EDAR: variants seen among roughly 807,000 people sequenced by gnomAD.
The protein encoded by EDAR is tumor necrosis factor receptor superfamily member EDAR.
Under a neutral mutation model 51.3 loss-of-function variants are expected in EDAR, and 38 were observed. The observed-to-expected ratio is 0.74, with a 90% CI of 0.57 to 0.97. EDAR has a LOEUF of 0.97. Ranked by LOEUF, EDAR falls within the 50% of genes least tolerant of loss-of-function variation. The pLI, the probability that EDAR is intolerant of heterozygous loss-of-function variation, is 0.00. For synonymous variants in EDAR, 227 were observed against 242.1 expected (o/e 0.94, Z 0.58); for missense variants, 528 against 595.0 (o/e 0.89, Z 1.17).
intron 1 of EDAR, among the ~76,000 whole-genome samples, chr2:108,951,198 G>A (rs1185580627): frequency 6.6e-6 from 1 of 152,174 alleles, no homozygotes; most frequent in Non-Finnish European, 1.5e-5. Context: ...GGTTATATGA[G>A]CTCAGTTTCC....
At chr2:108,914,324 G>A (rs1268933310) in intron 5 of EDAR, among the ~76,000 whole-genome samples, 2 of 151,540 alleles carry the variant, frequency 1.3e-5, no homozygotes, top group Non-Finnish European at 3.0e-5. Flanking sequence ...CACAAGAAAG[G>A]AGGAAAAGAA....
intron 11 of EDAR, among the ~76,000 whole-genome samples, chr2:108,899,516 C>T (rs1427623228): frequency 6.6e-6 from 1 of 152,166 alleles, no homozygotes; most frequent in Non-Finnish European, 1.5e-5. Context: ...AATATGGGCA[C>T]ATACAATAGA....
chr2:108,970,354 T>A (rs1243735371), intron 1 of EDAR, among the ~76,000 whole-genome samples: 1 of 152,048 alleles, frequency 6.6e-6, no homozygotes, highest in African/African-American at 2.4e-5. Flanking sequence ...AATCTGCAAA[T>A]GGTGTGTAAA....
At chr2:108,978,971 A>G (rs1382366896) in intron 1 of EDAR, among the ~76,000 whole-genome samples, 1 of 152,260 alleles carries the variant, frequency 6.6e-6, no homozygotes, top group Non-Finnish European at 1.5e-5. Context: ...GAAAGTTCTC[A>G]GCAGGGGCAG....
chr2:108,930,191 C>T lies in EDAR; in HGVS notation c.103G>A (p.Glu35Lys), dbSNP rs777127782. The change falls in exon 3 of 12, where the codon GAG becomes AAG. Residue 35 changes from glutamate to lysine, a missense_variant. Physicochemically the swap from Glu to Lys is moderately conservative, Grantham distance 56. Transcript: ENST00000258443. ...AGCCCCGTAGTCTGGTTGTAGTACT[C>T]GTTCTCACCGCAGTTTGAGTATTCC... ...RAEYSNCGENEYYNQTTGLCQ... is the reference protein window; with the variant it reads ...RAEYSNCGENKYYNQTTGLCQ... 11 of 1,613,992 alleles carry T rather than the reference C, an allele frequency of 6.8e-6. No individual in the cohort carries two copies. The African/African-American group carries it at 8.0e-5, about 12-fold the overall frequency.
At chr2:108,931,064 G>A in intron 1 of EDAR, 32 bp from the exon 2 acceptor site, 1 of 1,592,814 alleles carries the variant, frequency 6.3e-7, no homozygotes. Context: ...CTGGGCACTG[G>A]CGGTAGCACC....
chr2:108,906,281 C>T (rs556514373), intron 11 of EDAR, 27 bp downstream of exon 11: 9 of 1,604,032 alleles, frequency 5.6e-6, no homozygotes, highest in Middle Eastern at 1.7e-4. Flanking sequence ...TGGGCACCAC[C>T]TCTCCCAGGC....
chr2:108,980,238 C>T (rs984909816), intron 1 of EDAR, among the ~76,000 whole-genome samples: 3 of 152,094 alleles, frequency 2.0e-5, no homozygotes, highest in African/African-American at 7.2e-5. Context: ...CTATTTGCTT[C>T]ACTGATTCCG....
intron 10 of EDAR, 55 bp from the exon 11 acceptor site, chr2:108,906,423 AG>A: frequency 6.3e-7 from 1 of 1,592,326 alleles, no homozygotes; most frequent in Non-Finnish European, 8.6e-7. Flanking sequence ...AGTAGAAAGG[AG>A]GCAAATCCTC....
chr2:108,979,104 G>A (rs918154309), intron 1 of EDAR, among the ~76,000 whole-genome samples: 11 of 152,220 alleles, frequency 7.2e-5, no homozygotes, highest in Non-Finnish European at 1.3e-4. Flanking sequence ...CTGAAAATTC[G>A]GAAACGTGGA....
At position 108,897,057 on chromosome 2, in the gene EDAR, G is replaced by A; in HGVS notation, c.1197C>T (p.Asp399=). 1 of 1,614,168 alleles carries A rather than the reference G, an allele frequency of 6.2e-7. No homozygotes were observed. The highest frequency in any genetic ancestry group is 1.1e-5 in the South Asian group (1 of 91,064). ...GGMTDGMQLF[D]RISTAGYSIP... is the part of the protein sequence containing the mutation. ...TGCTGTAGCCTGCCGTGCTGATGCG[G>A]TCAAAGAGTTGCATGCCGTCTGTCA... The change falls in exon 12 of 12, where the codon GAC becomes GAT. Residue 399 remains aspartate, a synonymous_variant. Transcript: ENST00000258443.
rs562168817 is a variant in EDAR at position 108,981,198 on chromosome 2, C to T, written c.-19+7762G>A. Among the ~76,000 whole-genome samples the T allele has an allele frequency of 6.6e-5, 10 of 152,292 alleles. No individual in the cohort carries two copies. In the South Asian group the frequency reaches 1.5e-3, roughly 22 times the overall value. ...AAGTTACCCAGCAATGATGATCTGA[C>T]GTTCCACCACCAGCACGGGAAGGGG... On this transcript the variant is annotated intron_variant, in intron 1 of 11. Coordinates refer to ENST00000258443, the MANE Select transcript of EDAR (RefSeq NM_022336.4).
At position 108,910,540 on chromosome 2, in the gene EDAR, G is replaced by A. The variant is rs1446501613; in HGVS notation, c.731-8C>T. ...AGAACATCACCACGTTGTCTGCAGG[G>A]AAATGGGGAGGTTGGGGAGATAGGA... On this transcript the variant is annotated splice_region_variant and splice_polypyrimidine_tract_variant and intron_variant, in intron 8 of 11. Transcript: ENST00000258443. 6.2e-7 allele frequency: 1 copy of A among 1,610,958 alleles called. No individual in the cohort carries two copies. The highest frequency in any genetic ancestry group is 8.5e-7 in the Non-Finnish European group (1 of 1,177,424).
At chr2:108,969,375 C>G (rs1449266592) in intron 1 of EDAR, among the ~76,000 whole-genome samples, 1 of 152,126 alleles carries the variant, frequency 6.6e-6, no homozygotes. Flanking sequence ...TGGCTAAGTT[C>G]GGATGGTTGT....
chr2:108,970,562 C>G (rs996963722), intron 1 of EDAR, among the ~76,000 whole-genome samples: 3 of 151,972 alleles, frequency 2.0e-5, no homozygotes, highest in African/African-American at 7.3e-5. Flanking sequence ...GGGAGGTGGA[C>G]AGGATTGCAG....
Position 108,929,241 on chromosome 2 carries a change from C to G in EDAR, c.313G>C (p.Gly105Arg). 1.2e-6 allele frequency: 2 copies of G among 1,614,182 alleles called. No homozygotes were observed. Among genetic ancestry groups the G allele is most frequent in the East Asian group, 2.2e-5 (1 of 44,892 alleles). The change falls in exon 4 of 12, where the codon GGG (glycine) becomes CGG (arginine). Residue 105 changes from glycine (G) to arginine (R), a missense_variant. Gly to Arg is a moderately radical substitution (Grantham distance 125). Transcript: ENST00000258443. ...CACTCAGCGTCATTCTCCATGTCCC[C>G]TGGTGTCAGCACGGTGGCCCGGAAG... Reference protein sequence around the residue: ...GFFRATVLTPGDMENDAECGP... With the variant: ...GFFRATVLTPRDMENDAECGP...
At position 108,912,802 on chromosome 2, in the gene EDAR, A is replaced by G. The variant is rs371244782; in HGVS notation, c.443-38T>C. The G allele has an allele frequency of 2.0e-3, 3,042 of 1,524,106 alleles. 66 individuals carry two copies. In the South Asian group the frequency reaches 0.029, roughly 14 times the overall value. 94.4% of individuals were successfully genotyped at this position (1,524,106 alleles called of 1,614,324 possible). ...TAGAGTCCCTCAAATGATCCAGAGA[A>G]GCTCCACCTTCAAAGACGCTGCCAC... On this transcript the variant is annotated intron_variant, in intron 5 of 11. Transcript: ENST00000258443.
intron 5 of EDAR, among the ~76,000 whole-genome samples, chr2:108,923,006 A>C (rs1697178257): frequency 6.6e-6 from 1 of 152,224 alleles, no homozygotes; most frequent in South Asian, 2.1e-4. Flanking sequence ...TTTGCAAAAT[A>C]GTAGTACTTT....
At chr2:108,936,375 G>A (rs1200526151) in intron 1 of EDAR, among the ~76,000 whole-genome samples, 1 of 152,252 alleles carries the variant, frequency 6.6e-6, no homozygotes, top group African/African-American at 2.4e-5. Flanking sequence ...GGAGGGGAGA[G>A]GCTGTGGCTG....
Sources: allele counts gnomAD v4.1 joint callset (sites outside exome capture counted in the v4.1 genomes callset), GRCh38; gene constraint gnomAD v4.1.1; transcripts MANE v1.5; gene names NCBI Gene and HGNC (gene_info 2026-07-23, HGNC 2026-07-21).